The following AFG1L variants were observed in gnomAD, a reference collection of about 807,000 sequenced individuals.
The protein encoded by AFG1L is AFG1 like ATPase.
In AFG1L, 53 loss-of-function variants were observed where a neutral mutation model predicts 62.2. The ratio of observed to expected loss-of-function variants is 0.85; its 90% CI spans 0.68 to 1.07. AFG1L has a LOEUF of 1.07. AFG1L is among the 50% of genes least tolerant of loss of function. The pLI is 0.00. For missense variants in AFG1L, 555 were observed against 590.5 expected (o/e 0.94, Z 0.62); for synonymous variants, 228 against 210.3 (o/e 1.08, Z -0.73).
chr6:108,496,747 T>G (rs181038767), intron 10 of AFG1L, among the ~76,000 whole-genome samples: 275 of 152,338 alleles, frequency 1.8e-3, no homozygotes, highest in African/African-American at 6.4e-3. Flanking sequence ...AAATGAAGAT[T>G]ATTAAACATA....
Position 108,522,683 on chromosome 6 carries a change from G to A in AFG1L, c.*258G>A, listed in dbSNP as rs1775170484. The A allele has an allele frequency of 4.1e-6, 1 of 245,462 alleles. No homozygotes were observed. Among genetic ancestry groups the A allele is most frequent in the African/African-American group, 2.2e-5 (1 of 44,554 alleles). The allele number at this position is 245,462 out of a possible 1,614,324, so 15.2% of individuals were successfully genotyped here. ...CATCTCATTCCTGAAGATGAATGTA[G>A]GACCAGACATTTTAGCTTCACATTA... On this transcript the variant is annotated 3_prime_UTR_variant, in exon 13 of 13. Transcript: ENST00000368977.
At position 108,347,058 on chromosome 6, in the gene AFG1L, G is replaced by A. The variant is rs771667526; in HGVS notation, c.415+19G>A. The A allele has an allele frequency of 8.7e-6, 14 of 1,608,048 alleles. No individual in the cohort carries two copies. The highest frequency in any genetic ancestry group is 1.1e-5 in the Non-Finnish European group (13 of 1,175,336). On this transcript the variant is annotated intron_variant, in intron 3 of 12. Coordinates refer to ENST00000368977, the MANE Select transcript of AFG1L (RefSeq NM_145315.5). ...GATGTTGGTAAGTGTGTTAAAATAA[G>A]TTTTGGGTGGGCAAAACAGAAAGTT...
chr6:108,424,046 G>GTA (rs1353935549), intron 7 of AFG1L, among the ~76,000 whole-genome samples: 1 of 152,026 alleles, frequency 6.6e-6, no homozygotes, highest in Non-Finnish European at 1.5e-5. Flanking sequence ...GTGTGTGTTA[G>GTA]TATATGTATA....
chr6:108,467,830 C>T (rs1772733369), intron 8 of AFG1L, among the ~76,000 whole-genome samples: 1 of 152,102 alleles, frequency 6.6e-6, no homozygotes, highest in African/African-American at 2.4e-5. Context: ...TACAGAATAA[C>T]TTATGGTTTC....
intron 2 of AFG1L, among the ~76,000 whole-genome samples, chr6:108,332,913 T>C (rs1778331013): frequency 6.6e-6 from 1 of 152,140 alleles, no homozygotes; most frequent in Non-Finnish European, 1.5e-5. Flanking sequence ...GCCAGAAGAA[T>C]TTCTTATACA....
chr6:108,400,713 T>TTAATATATATTATATA (rs1413296647), intron 6 of AFG1L, among the ~76,000 whole-genome samples: 1 of 124,232 alleles, frequency 8.0e-6, no homozygotes, highest in African/African-American at 3.1e-5. Flanking sequence ...TTATATATAT[T>TTAATATATATTATATA]TAATATATAT....
chr6:108,513,268 A>T (rs940307039), intron 11 of AFG1L, among the ~76,000 whole-genome samples: 4 of 152,238 alleles, frequency 2.6e-5, no homozygotes, highest in Admixed American at 6.5e-5. Context: ...CAGTGGGTGC[A>T]GGACAGTGGG....
chr6:108,336,321 T>C (rs1437092210), intron 2 of AFG1L, among the ~76,000 whole-genome samples: 1 of 152,180 alleles, frequency 6.6e-6, no homozygotes, highest in African/African-American at 2.4e-5. Context: ...TCCTGCATTT[T>C]AAACAAATTG....
At chr6:108,303,286 A>G (rs754847851) in intron 1 of AFG1L, among the ~76,000 whole-genome samples, 11 of 152,062 alleles carry the variant, frequency 7.2e-5, no homozygotes, top group Admixed American at 1.3e-4. Flanking sequence ...GGCTCAAGCT[A>G]TCCTCCTGCC....
In AFG1L at chr6:108,433,941, A is replaced by T. The variant is rs114283124; in HGVS notation, c.808-13273A>T. Among the ~76,000 whole-genome samples the T allele has an allele frequency of 8.8e-3, 1,335 of 152,244 alleles. 13 individuals carry two copies. Among genetic ancestry groups the T allele is most frequent in the African/African-American group, 0.03 (1,229 of 41,542 alleles). On this transcript the variant is annotated intron_variant, in intron 7 of 12. Transcript: ENST00000368977. Reference sequence around the variant, plus strand: ...CAGAAATGTAACTTTAGAAGAAGAGACTATTTCTTTTAAAGGGTTACAGCC... The same window carrying T: ...CAGAAATGTAACTTTAGAAGAAGAGTCTATTTCTTTTAAAGGGTTACAGCC...
chr6:108,297,189 C>T (rs944082678), intron 1 of AFG1L, among the ~76,000 whole-genome samples: 2 of 152,138 alleles, frequency 1.3e-5, no homozygotes, highest in East Asian at 3.9e-4. Flanking sequence ...TCACTGCAAC[C>T]TCCACCTCCT....
At chr6:108,340,617 A>G (rs929297116) in intron 2 of AFG1L, among the ~76,000 whole-genome samples, 4 of 152,104 alleles carry the variant, frequency 2.6e-5, no homozygotes, top group African/African-American at 7.2e-5. Context: ...TGCCCGCCTC[A>G]GCCTCCCAAA....
chr6:108,524,371 T>G lies in AFG1L; in HGVS notation c.*1946T>G, dbSNP rs1775244433. On this transcript the variant is annotated 3_prime_UTR_variant, in exon 13 of 13. Coordinates refer to ENST00000368977, the MANE Select transcript of AFG1L (RefSeq NM_145315.5). ...ACCGATAGACAGACCTGTCCCTGAG[T>G]GTGAGTGTATGTAGAAGAGTCCCCC... 1 of 151,966 alleles carries G rather than the reference T, an allele frequency of 6.6e-6. No homozygotes were observed. The highest frequency in any genetic ancestry group is 2.4e-5 in the African/African-American group (1 of 41,348). The allele number at this position is 151,966 out of a possible 1,614,324, so 9.4% of individuals were successfully genotyped here. A position where few individuals can be genotyped will look rare whatever the true frequency, so the allele number is the denominator to read the frequency against.
At chr6:108,504,551 T>G (rs192457763) in intron 10 of AFG1L, among the ~76,000 whole-genome samples, 1 of 152,026 alleles carries the variant, frequency 6.6e-6, no homozygotes, top group Non-Finnish European at 1.5e-5. Context: ...CCAGATGTAA[T>G]AGTAATGAAA....
At chr6:108,324,548 C>T (rs1348396622) in intron 2 of AFG1L, among the ~76,000 whole-genome samples, 1 of 152,104 alleles carries the variant, frequency 6.6e-6, no homozygotes, top group Non-Finnish European at 1.5e-5. Flanking sequence ...TTGGTGGGTT[C>T]TTCAAGACTC....
chr6:108,373,029 C>CT (rs1217992788), intron 6 of AFG1L: 2 of 152,194 alleles, frequency 1.3e-5, no homozygotes, highest in Admixed American at 1.3e-4. Flanking sequence ...TTGTTTTTTA[C>CT]TTTTTTATTT....
At chr6:108,458,731 A>G (rs1195028377) in intron 8 of AFG1L, among the ~76,000 whole-genome samples, 1 of 151,924 alleles carries the variant, frequency 6.6e-6, no homozygotes, top group Admixed American at 6.6e-5. Context: ...ACTATCATCT[A>G]TGTCATTTCT....
At chr6:108,324,248 A>G (rs1433471695) in intron 2 of AFG1L, among the ~76,000 whole-genome samples, 200 bp downstream of exon 2, 1 of 152,180 alleles carries the variant, frequency 6.6e-6, no homozygotes, top group Non-Finnish European at 1.5e-5. Flanking sequence ...GAATAGCTTC[A>G]TATTTAGGTA....
At chr6:108,356,917 A>C in intron 5 of AFG1L, 97 bp downstream of exon 5, 1 of 1,033,166 alleles carries the variant, frequency 9.7e-7, no homozygotes, top group Non-Finnish European at 1.4e-6. Context: ...TTATAAGGTG[A>C]TTTGACACAT....
Sources: gnomAD v4.1 joint callset for allele counts (sites outside exome capture counted in the v4.1 genomes callset) on GRCh38, gnomAD v4.1.1 for gene constraint, MANE v1.5 for transcripts, NCBI Gene and HGNC (gene_info 2026-07-23, HGNC 2026-07-21) for gene names.